Variants in INPP5A observed in about 807,000 individuals in gnomAD.
INPP5A encodes inositol polyphosphate-5-phosphatase A.
INPP5A carries 14 observed loss-of-function variants against 65.2 expected under a neutral mutation model. That is an observed-to-expected ratio of 0.21 (90% confidence interval 0.14 to 0.34). The LOEUF (loss-of-function observed/expected upper bound fraction) is 0.34. Ranked by LOEUF, INPP5A falls within the 10% of genes least tolerant of loss-of-function variation. The probability of loss-of-function intolerance (pLI) is 1.00; values close to 1 mark genes in which losing one functional copy is unlikely to be tolerated. For synonymous variants in INPP5A, 207 were observed against 208.3 expected (o/e 0.99, Z 0.05); for missense variants, 431 against 545.6 (o/e 0.79, Z 2.09).
chr10:132,755,233 G>T (rs1010996944), intron 11 of INPP5A, among the ~76,000 whole-genome samples: 9 of 151,550 alleles, frequency 5.9e-5, no homozygotes, highest in African/African-American at 2.2e-4. Flanking sequence ...GAGCAGGCGT[G>T]TACATGCATG....
intron 8 of INPP5A, among the ~76,000 whole-genome samples, chr10:132,720,295 G>C (rs1187085425): frequency 2.0e-5 from 3 of 148,644 alleles, no homozygotes; most frequent in African/African-American, 7.5e-5. Context: ...TTAGACGGCT[G>C]TCTTGCGGGT....
chr10:132,719,183 G>A (rs1218037799), intron 8 of INPP5A, among the ~76,000 whole-genome samples: 5 of 149,174 alleles, frequency 3.4e-5, no homozygotes, highest in South Asian at 2.1e-4. Flanking sequence ...TGCGGGTTCT[G>A]TGGTACCTGG....
At chr10:132,633,590 C>T (rs934512408) in intron 2 of INPP5A, among the ~76,000 whole-genome samples, 1 of 152,138 alleles carries the variant, frequency 6.6e-6, no homozygotes, top group Non-Finnish European at 1.5e-5. Flanking sequence ...CCAAGCAGGA[C>T]GTTGGTAAGA....
At chr10:132,715,814 G>C (rs1188422777) in intron 8 of INPP5A, among the ~76,000 whole-genome samples, 1 of 152,184 alleles carries the variant, frequency 6.6e-6, no homozygotes. Context: ...TCGTGGGCTC[G>C]TCCCAATCAG....
chr10:132,641,263 G>C (rs534168002), intron 2 of INPP5A, among the ~76,000 whole-genome samples: 1 of 152,282 alleles, frequency 6.6e-6, no homozygotes, highest in African/African-American at 2.4e-5. Context: ...ACAATGTCGG[G>C]ATTTAAAATA....
In INPP5A at chr10:132,652,800, C is replaced by T. The variant is rs146810151; in HGVS notation, c.306+2295C>T. Reference sequence around the variant, plus strand: ...TCTGCATGTCAGGGTGCCCTCAGAACGAGCGTGTTGTCGGGGCTGAGAGCG... The same window carrying T: ...TCTGCATGTCAGGGTGCCCTCAGAATGAGCGTGTTGTCGGGGCTGAGAGCG... On this transcript the variant is annotated intron_variant, in intron 4 of 15. Transcript: ENST00000368594. 5.3e-3 allele frequency among the ~76,000 whole-genome samples: 812 copies of T among 152,332 alleles called. 5 individuals carry two copies. The highest frequency in any genetic ancestry group is 0.018 in the African/African-American group (743 of 41,582).
intron 8 of INPP5A, among the ~76,000 whole-genome samples, chr10:132,726,605 G>C (rs925378387): frequency 6.6e-6 from 1 of 152,194 alleles, no homozygotes; most frequent in Non-Finnish European, 1.5e-5. Flanking sequence ...ATGCGTGTCC[G>C]TGTTGCCAAG....
chr10:132,543,241 C>G (rs573767037), intron 1 of INPP5A, among the ~76,000 whole-genome samples: 1 of 151,964 alleles, frequency 6.6e-6, no homozygotes, highest in Admixed American at 6.6e-5. Context: ...AGCCCCACGT[C>G]CCCCAGCCTC....
rs548570873 is a variant in INPP5A at position 132,540,752 on chromosome 10, T to A, written c.75+2581T>A. ...CCGTCCCGTGCTGACGAACGCACCC[T>A]GCAGGCAGTGCTCAGGCTGTGAAGG... On this transcript the variant is annotated intron_variant, in intron 1 of 15. Coordinates refer to ENST00000368594, the MANE Select transcript of INPP5A (RefSeq NM_005539.5). 3.9e-5 allele frequency among the ~76,000 whole-genome samples: 6 copies of A among 152,390 alleles called. No individual in the cohort carries two copies. In the East Asian group the frequency reaches 1.2e-3, roughly 29 times the overall value.
chr10:132,612,939 C>T (rs866455305), intron 2 of INPP5A, among the ~76,000 whole-genome samples: 20 of 152,192 alleles, frequency 1.3e-4, no homozygotes, highest in Middle Eastern at 3.4e-3. Flanking sequence ...GGACAGTTCC[C>T]GCGCATTCGG....
intron 1 of INPP5A, among the ~76,000 whole-genome samples, chr10:132,600,615 C>T (rs916230636): frequency 6.6e-6 from 1 of 152,286 alleles, no homozygotes; most frequent in East Asian, 1.9e-4. Flanking sequence ...TCAGCAATAC[C>T]CCACTCCTGG....
chr10:132,720,199 T>G (rs1484815331), intron 8 of INPP5A, among the ~76,000 whole-genome samples: 1 of 126,422 alleles, frequency 7.9e-6, no homozygotes, highest in Non-Finnish European at 1.7e-5. Flanking sequence ...GGCTGTCTTG[T>G]GGGTTCTGTG....
chr10:132,777,736 G>A lies in INPP5A; in HGVS notation c.1043G>A (p.Cys348Tyr). Residue 348 changes from cysteine to tyrosine, a missense_variant, in exon 13 of 16, where the codon TGT (cysteine) becomes TAT (tyrosine). Physicochemically the swap from Cys to Tyr is radical, Grantham distance 194 (BLOSUM62 -2). Transcript: ENST00000368594. ...QYMNTRCPAWCDRILMSPSAK... is the reference protein window; with the variant it reads ...QYMNTRCPAWYDRILMSPSAK... The stretch of plus-strand genomic sequence containing the variant: ...ATGAACACCCGGTGCCCAGCCTGGT[G>A]TGACCGCATCCTCATGTCCCCGTCT... 1 of 1,613,130 alleles carries A rather than the reference G, an allele frequency of 6.2e-7. No homozygotes were observed. Among genetic ancestry groups the A allele is most frequent in the Non-Finnish European group, 8.5e-7 (1 of 1,180,010 alleles).
intron 4 of INPP5A, among the ~76,000 whole-genome samples, chr10:132,662,144 T>C (rs773473770): frequency 3.5e-4 from 53 of 152,170 alleles, no homozygotes; most frequent in Non-Finnish European, 6.8e-4. Flanking sequence ...CAGTTGGACC[T>C]ATGAAGACGA....
At chr10:132,562,614 G>A (rs1333660360) in intron 1 of INPP5A, among the ~76,000 whole-genome samples, 2 of 152,268 alleles carry the variant, frequency 1.3e-5, no homozygotes, top group Admixed American at 6.5e-5. Context: ...TTGCACACAC[G>A]GCACGAGTGT....
At chr10:132,573,100 G>C (rs1347285733) in intron 1 of INPP5A, among the ~76,000 whole-genome samples, 3 of 148,144 alleles carry the variant, frequency 2.0e-5, no homozygotes, top group African/African-American at 7.5e-5. Flanking sequence ...AGGTTTTGTT[G>C]ATGTTGAGGT....
Position 132,782,095 on chromosome 10 carries a change from G to C in INPP5A, c.*66G>C, listed in dbSNP as rs186630999. The C allele has an allele frequency of 6.5e-7, 1 of 1,540,508 alleles. No homozygotes were observed. Among genetic ancestry groups the C allele is most frequent in the Non-Finnish European group, 8.8e-7 (1 of 1,139,922 alleles). ...GTGAGCCTCCCTGTAGCCGTGGACCGAATACGCACTCTTGAAAGCTGCATC... is the reference window on the plus strand; with the variant it reads ...GTGAGCCTCCCTGTAGCCGTGGACCCAATACGCACTCTTGAAAGCTGCATC... On this transcript the variant is annotated 3_prime_UTR_variant, in exon 16 of 16. Coordinates refer to ENST00000368594, the MANE Select transcript of INPP5A (RefSeq NM_005539.5). The surrounding 1 kb of genome is among the most constrained non-coding windows in gnomAD (Gnocchi z 4.4).
Position 132,731,264 on chromosome 10 carries a change from C to G in INPP5A, c.732+4359C>G, listed in dbSNP as rs563234312. ...TCCCGCATATCAGGCACCCCTCCTGCGTATCAGGTGTCCCTCCTGCGCATC... is the reference window on the plus strand; with the variant it reads ...TCCCGCATATCAGGCACCCCTCCTGGGTATCAGGTGTCCCTCCTGCGCATC... On this transcript the variant is annotated intron_variant, in intron 9 of 15. Transcript: ENST00000368594. 2.6e-5 allele frequency among the ~76,000 whole-genome samples: 4 copies of G among 151,302 alleles called. No individual in the cohort carries two copies. The South Asian group carries it at 8.4e-4, about 32-fold the overall frequency.
At chr10:132,560,921 T>A (rs1019536786) in intron 1 of INPP5A, among the ~76,000 whole-genome samples, 11 of 152,044 alleles carry the variant, frequency 7.2e-5, no homozygotes, top group Admixed American at 2.0e-4. Context: ...TTTTTTTTTT[T>A]AATTGTTGAG....
Sources: gnomAD v4.1 joint callset for allele counts (sites outside exome capture counted in the v4.1 genomes callset) on GRCh38, gnomAD v4.1.1 for gene constraint, Gnocchi (gnomAD v3.1) non-coding constraint, MANE v1.5 for transcripts, NCBI Gene and HGNC (gene_info 2026-07-23, HGNC 2026-07-21) for gene names.